UBE4B: variants seen among roughly 807,000 people sequenced by gnomAD.
The protein encoded by UBE4B is ubiquitin conjugation factor E4 B.
Under a neutral mutation model 148.1 loss-of-function variants are expected in UBE4B, and 27 were observed. The ratio of observed to expected loss-of-function variants is 0.18; its 90% CI spans 0.13 to 0.25. The LOEUF is 0.25. UBE4B is among the 10% of genes least tolerant of loss of function. The pLI is 1.00. For synonymous variants in UBE4B, 596 were observed against 619.3 expected, an observed-to-expected ratio of 0.96 and a Z score of 0.56; for missense variants, 1,170 against 1,662.4, an observed-to-expected ratio of 0.70 and a Z score of 5.15.
intron 1 of UBE4B, among the ~76,000 whole-genome samples, chr1:10,065,225 C>A (rs983026452): frequency 6.6e-6 from 1 of 152,106 alleles, no homozygotes; most frequent in Non-Finnish European, 1.5e-5. Flanking sequence ...TATGGAGAAC[C>A]ACTAAAGCAG....
At chr1:10,152,652 G>A (rs1329976166) in intron 21 of UBE4B, among the ~76,000 whole-genome samples, 2 of 152,020 alleles carry the variant, frequency 1.3e-5, no homozygotes, top group Non-Finnish European at 2.9e-5. Context: ...ACAAAAATTA[G>A]CTGGGTGTGG....
intron 17 of UBE4B, among the ~76,000 whole-genome samples, chr1:10,137,921 C>CTTTTTTTTTTTTTTTTTTTTTTT (rs70998351): frequency 1.5e-5 from 1 of 66,982 alleles, no homozygotes; most frequent in Non-Finnish European, 2.4e-5. Context: ...CTTACTAATT[C>CTTTTTTTTTTTTTTTTTTTTTTT]TTTTTTTTTT....
intron 12 of UBE4B, among the ~76,000 whole-genome samples, 164 bp from the exon 13 acceptor site, chr1:10,130,336 C>T (rs995503466): frequency 2.6e-5 from 4 of 152,214 alleles, no homozygotes; most frequent in Non-Finnish European, 4.4e-5. Context: ...CCACACTGGC[C>T]TCCCAAAGTG....
At chr1:10,169,100 G>A (rs17034560) in intron 24 of UBE4B, among the ~76,000 whole-genome samples, 23,237 of 151,986 alleles carry the variant, frequency 0.15, 3,931 homozygotes, top group African/African-American at 0.42. Context: ...TTCTCAACTA[G>A]TAAGACCTGG....
rs902609487 is a variant in UBE4B, at chr1:10,103,041, G to C, written c.529G>C (p.Val177Leu). The change falls in exon 5 of 28, where the codon GTC becomes CTC. Residue 177 changes from valine to leucine, a missense_variant. By Grantham distance (32) the Val-to-Leu change is conservative (BLOSUM62 1). Coordinates refer to ENST00000343090, the MANE Select transcript of UBE4B (RefSeq NM_001105562.3). The part of the protein sequence containing the change: ...RVSWKDRDRD[V>L]IFLSSLSAQF... ...CTCTTGGAAGGACCGGGACAGAGAT[G>C]TCATCTTTCTTTCTTCTCTTTCTGC... is the stretch of plus-strand genomic sequence containing the variant. The C allele has an allele frequency of 4.3e-6, 7 of 1,613,064 alleles. No homozygotes were observed. The highest frequency in any genetic ancestry group is 4.0e-5 in the African/African-American group (3 of 74,890).
chr1:10,138,918 C>G (rs1645740087), intron 17 of UBE4B, among the ~76,000 whole-genome samples: 1 of 152,158 alleles, frequency 6.6e-6, no homozygotes, highest in Non-Finnish European at 1.5e-5. Context: ...TGTTATTAAA[C>G]CAGTCTTTCT....
chr1:10,055,918 CAAAAA>C (rs1176886311), intron 1 of UBE4B, among the ~76,000 whole-genome samples: 1 of 151,396 alleles, frequency 6.6e-6, no homozygotes, highest in Admixed American at 6.6e-5. Context: ...GACTCTGTCT[CAAAAA>C]AACAAAACAA....
chr1:10,051,428 A>G (rs1644042034), intron 1 of UBE4B, among the ~76,000 whole-genome samples: 1 of 152,180 alleles, frequency 6.6e-6, no homozygotes, highest in African/African-American at 2.4e-5. Context: ...TATAACATCT[A>G]ACAAATCTTT....
chr1:10,072,603 CTCGTCTTCAT>C, intron 2 of UBE4B: 1 of 667,982 alleles, frequency 1.5e-6, no homozygotes, highest in Non-Finnish European at 2.7e-6. Flanking sequence ...TGCAGATTTC[CTCGTCTTCAT>C]TCTGCATTGG....
At position 10,180,827 on chromosome 1, in the gene UBE4B, T is replaced by G. The variant is rs1385256640; in HGVS notation, c.*871T>G. The G allele has an allele frequency of 6.6e-6, 1 of 152,336 alleles. No individual in the cohort carries two copies. Among genetic ancestry groups the G allele is most frequent in the African/African-American group, 2.4e-5 (1 of 41,338 alleles). 9.4% of individuals were successfully genotyped at this position (152,336 alleles called of 1,614,324 possible). A position where few individuals can be genotyped will look rare whatever the true frequency, so the allele number is the denominator to read the frequency against. On this transcript the variant is annotated 3_prime_UTR_variant, in exon 28 of 28. Coordinates refer to ENST00000343090, the MANE Select transcript of UBE4B (RefSeq NM_001105562.3). ...TTTTTTTTTTAATGCTACGTGACAG[T>G]TTGAAACCTTCACAGTTATCCTCTG...
chr1:10,122,761 C>T (rs1175791121), intron 10 of UBE4B, among the ~76,000 whole-genome samples: 1 of 152,154 alleles, frequency 6.6e-6, no homozygotes, highest in Non-Finnish European at 1.5e-5. Flanking sequence ...AAGTTTTTTC[C>T]CTGATGAAAG....
intron 2 of UBE4B, among the ~76,000 whole-genome samples, chr1:10,076,161 A>G (rs182501688): frequency 5.3e-5 from 8 of 152,034 alleles, no homozygotes; most frequent in African/African-American, 9.7e-5. Context: ...GAAGTTAGAC[A>G]TAGGTCTAAT....
intron 1 of UBE4B, among the ~76,000 whole-genome samples, chr1:10,045,942 T>C (rs1305225328): frequency 2.0e-5 from 3 of 152,230 alleles, no homozygotes; most frequent in African/African-American, 4.8e-5. Flanking sequence ...TTAAGCCAGA[T>C]AGATGTTTAT....
chr1:10,109,702 G>C (rs193191629), intron 7 of UBE4B, among the ~76,000 whole-genome samples: 1 of 151,956 alleles, frequency 6.6e-6, no homozygotes, highest in Non-Finnish European at 1.5e-5. Context: ...CCAAGCTGGA[G>C]TGCAGTGGAG....
At chr1:10,134,267 T>C (rs1645641142) in intron 15 of UBE4B, among the ~76,000 whole-genome samples, 1 of 151,926 alleles carries the variant, frequency 6.6e-6, no homozygotes, top group African/African-American at 2.4e-5. Context: ...TCCCAGCAAT[T>C]TGGGAGGCCG....
intron 20 of UBE4B, among the ~76,000 whole-genome samples, chr1:10,150,159 G>A (rs1409054564): frequency 6.6e-6 from 1 of 152,016 alleles, no homozygotes; most frequent in African/African-American, 2.4e-5. Flanking sequence ...CCCAAATCAA[G>A]GCAGAGGTTG....
intron 25 of UBE4B, among the ~76,000 whole-genome samples, chr1:10,178,036 G>T (rs193190148): frequency 6.6e-6 from 1 of 152,036 alleles, no homozygotes; most frequent in Non-Finnish European, 1.5e-5. Context: ...GACATAAATC[G>T]TGTCTGTTCC....
Position 10,072,047 on chromosome 1 carries a change from C to A in UBE4B, c.44C>A (p.Ala15Glu). Residue 15 changes from alanine (A) to glutamate (E), a missense_variant, in exon 2 of 28, where the codon GCA becomes GAA. Transcript: ENST00000343090. Reference protein sequence around the residue: ...SADEIRRRRLARLAGGQTSQP... With the variant: ...SADEIRRRRLERLAGGQTSQP... ...TTGTAGATTCGACGGAGGCGCCTTG[C>A]ACGACTTGCTGGTGGACAGACCTCT... 1 of 1,599,462 alleles carries A rather than the reference C, an allele frequency of 6.3e-7. No homozygotes were observed. The highest frequency in any genetic ancestry group is 8.5e-7 in the Non-Finnish European group (1 of 1,173,866).
At chr1:10,069,677 G>A (rs1028336216) in intron 1 of UBE4B, among the ~76,000 whole-genome samples, 1 of 152,188 alleles carries the variant, frequency 6.6e-6, no homozygotes, top group Non-Finnish European at 1.5e-5. Flanking sequence ...TGGGATTGCA[G>A]GTGTGTGGCA....
Sources: gnomAD v4.1 joint callset for allele counts (sites outside exome capture counted in the v4.1 genomes callset) on GRCh38, gnomAD v4.1.1 for gene constraint, MANE v1.5 for transcripts, NCBI Gene and HGNC (gene_info 2026-07-23, HGNC 2026-07-21) for gene names.